The following CDKL1 variants were observed in gnomAD, a reference collection of about 807,000 sequenced individuals.
The protein encoded by CDKL1 is cyclin-dependent kinase-like 1.
A neutral mutation model predicts 42.0 loss-of-function variants in CDKL1; 41 were observed. The ratio of observed to expected loss-of-function variants is 0.98; its 90% CI spans 0.76 to 1.27. The LOEUF (loss-of-function observed/expected upper bound fraction) is 1.27, where lower values mean the gene tolerates loss of function less well. Ranked by LOEUF, CDKL1 falls within the 50% of genes most tolerant of loss-of-function variation. The probability of loss-of-function intolerance (pLI) is 0.00; values close to 1 mark genes in which losing one functional copy is unlikely to be tolerated. For synonymous variants in CDKL1, 153 were observed against 158.6 expected (o/e 0.96, Z 0.26); for missense variants, 394 against 428.4 (o/e 0.92, Z 0.71).
intron 3 of CDKL1, among the ~76,000 whole-genome samples, chr14:50,355,634 G>C (rs1450055046): frequency 6.6e-6 from 1 of 152,182 alleles, no homozygotes; most frequent in Admixed American, 6.5e-5. Context: ...AGAATCCACA[G>C]GTGAGGAAGG....
intron 2 of CDKL1, among the ~76,000 whole-genome samples, chr14:50,381,780 TTGTTTGTTTAGA>T (rs1178977979): frequency 8.1e-6 from 1 of 124,124 alleles, no homozygotes; most frequent in Admixed American, 7.9e-5. Flanking sequence ...GTTTGTTTGT[TTGTTTGTTTAGA>T]TAAAGGGTTT....
At chr14:50,345,882 CA>C (rs2033709401) in intron 3 of CDKL1, among the ~76,000 whole-genome samples, 2 of 152,132 alleles carry the variant, frequency 1.3e-5, no homozygotes, top group Non-Finnish European at 2.9e-5. Flanking sequence ...CCAGTAGTTC[CA>C]GCAGGTACTT....
Position 50,332,443 on chromosome 14 carries a change from A to G in CDKL1, c.796-11T>C, listed in dbSNP as rs778304271. Reference sequence around the variant, plus strand: ...CATGTGGAGACAGCCCTAAAAGAACAGAAAATTCCTTCTTCTTACTTCTTC... The same window carrying G: ...CATGTGGAGACAGCCCTAAAAGAACGGAAAATTCCTTCTTCTTACTTCTTC... On this transcript the variant is annotated splice_polypyrimidine_tract_variant and intron_variant, in intron 8 of 9. Transcript: ENST00000395834. 6.3e-7 allele frequency: 1 copy of G among 1,584,490 alleles called. No homozygotes were observed. Among genetic ancestry groups the G allele is most frequent in the East Asian group, 2.2e-5 (1 of 44,736 alleles).
intron 7 of CDKL1, among the ~76,000 whole-genome samples, chr14:50,337,595 T>C (rs2033348067): frequency 6.6e-6 from 1 of 152,028 alleles, no homozygotes; most frequent in Admixed American, 6.5e-5. Context: ...TCAAGCAATA[T>C]TTCACCTCAG....
intron 4 of CDKL1, chr14:50,342,939 C>T (rs751091691): frequency 2.2e-6 from 3 of 1,356,216 alleles, no homozygotes; most frequent in African/African-American, 3.0e-5. Flanking sequence ...TCAGCTCTGT[C>T]CCACACACAA....
At chr14:50,358,247 G>C in intron 3 of CDKL1, 9 of 848,034 alleles carry the variant, frequency 1.1e-5, no homozygotes, top group Admixed American at 3.9e-5. Context: ...GCTTGCTTCA[G>C]TTGGGTTTTT....
intron 2 of CDKL1, 129 bp from the exon 3 acceptor site, chr14:50,359,278 C>G: frequency 9.6e-7 from 1 of 1,039,666 alleles, no homozygotes. Context: ...AGGCTGTAAA[C>G]AGTATCATCT....
At chr14:50,342,048 A>G (rs1219547899) in intron 5 of CDKL1, 84 bp downstream of exon 5, 1 of 1,064,582 alleles carries the variant, frequency 9.4e-7, no homozygotes, top group Non-Finnish European at 1.4e-6. Context: ...ACTATCTTGT[A>G]TACTTCTAGA....
At chr14:50,338,862 G>A in intron 7 of CDKL1, 85 bp downstream of exon 7, 1 of 868,188 alleles carries the variant, frequency 1.2e-6, no homozygotes, top group Non-Finnish European at 2.0e-6. Flanking sequence ...CCAATGCAGG[G>A]TGAGCCATGG....
At chr14:50,334,899 G>GA (rs1176283601) in intron 7 of CDKL1, 18 of 234,652 alleles carry the variant, frequency 7.7e-5, no homozygotes, top group South Asian at 2.6e-4. Context: ...AAATACTAAT[G>GA]AAAAAAAACT....
chr14:50,373,584 C>T (rs77155466), intron 2 of CDKL1, among the ~76,000 whole-genome samples: 121 of 152,080 alleles, frequency 8.0e-4, no homozygotes, highest in African/African-American at 2.3e-3. Flanking sequence ...TAAAACCAAA[C>T]GGACCAAAAA....
chr14:50,359,167 C>T lies in CDKL1; in HGVS notation c.169-18G>A. ...TTGAGTTGCTGAAAACACAAAAAAA[C>T]AAGTTACTAAATTTGACTTGTGAAA... On this transcript the variant is annotated intron_variant, in intron 2 of 9. Coordinates refer to ENST00000395834, the MANE Select transcript of CDKL1 (RefSeq NM_004196.7). 1 of 1,591,724 alleles carries T rather than the reference C, an allele frequency of 6.3e-7. No homozygotes were observed. The highest frequency in any genetic ancestry group is 8.6e-7 in the Non-Finnish European group (1 of 1,165,346).
At position 50,395,885 on chromosome 14, in the gene CDKL1, T is replaced by G; in HGVS notation, c.-17A>C. On this transcript the variant is annotated 5_prime_UTR_variant, in exon 2 of 10. Transcript: ENST00000395834. Reference sequence around the variant, plus strand: ...CTTCTCCATCATAGAGGAATAAATCTTCTTAAAATGGATCTTCAGCCGAGA... The same window carrying G: ...CTTCTCCATCATAGAGGAATAAATCGTCTTAAAATGGATCTTCAGCCGAGA... 1 of 1,610,386 alleles carries G rather than the reference T, an allele frequency of 6.2e-7. No individual in the cohort carries two copies. Among genetic ancestry groups the G allele is most frequent in the Non-Finnish European group, 8.5e-7 (1 of 1,176,816 alleles).
chr14:50,360,283 G>C (rs990715557), intron 2 of CDKL1, among the ~76,000 whole-genome samples: 4 of 152,094 alleles, frequency 2.6e-5, no homozygotes, highest in African/African-American at 9.7e-5. Context: ...ATCATATTGT[G>C]CAACCATCAC....
chr14:50,354,631 C>A (rs2034003007), intron 3 of CDKL1, among the ~76,000 whole-genome samples: 1 of 152,104 alleles, frequency 6.6e-6, no homozygotes, highest in South Asian at 2.1e-4. Flanking sequence ...TGATTGGGGA[C>A]AATTATAAAA....
intron 2 of CDKL1, among the ~76,000 whole-genome samples, chr14:50,380,430 A>T (rs1380145080): frequency 5.3e-5 from 8 of 152,242 alleles, no homozygotes; most frequent in Non-Finnish European, 5.9e-5. Flanking sequence ...CTGGCACTTG[A>T]CATGCAACTA....
chr14:50,357,193 G>A (rs772746530), intron 3 of CDKL1: 9 of 152,166 alleles, frequency 5.9e-5, no homozygotes, highest in Non-Finnish European at 8.8e-5. Context: ...CTGAAGGGAG[G>A]TGTCTGTCCT....
At chr14:50,339,864 G>A (rs1187492917) in intron 6 of CDKL1, among the ~76,000 whole-genome samples, 1 of 152,096 alleles carries the variant, frequency 6.6e-6, no homozygotes, top group East Asian at 1.9e-4. Flanking sequence ...TGTTCTCCTG[G>A]GGCACAACCA....
chr14:50,383,864 T>C (rs137872983), intron 2 of CDKL1, among the ~76,000 whole-genome samples: 172 of 152,296 alleles, frequency 1.1e-3, no homozygotes, highest in Non-Finnish European at 1.7e-3. Flanking sequence ...TGGTTTCTGC[T>C]TCTGTTGTTC....
Sources: gnomAD v4.1 joint callset for allele counts (sites outside exome capture counted in the v4.1 genomes callset) on GRCh38, gnomAD v4.1.1 for gene constraint, MANE v1.5 for transcripts, NCBI Gene and HGNC (gene_info 2026-07-23, HGNC 2026-07-21) for gene names.